The following WDR7 variants were observed in gnomAD, a reference collection of about 807,000 sequenced individuals.
WDR7 encodes WD repeat-containing protein 7.
WDR7 carries 46 observed loss-of-function variants against 169.4 expected under a neutral mutation model. That is an observed-to-expected ratio of 0.27 (90% CI 0.21 to 0.35). The LOEUF (loss-of-function observed/expected upper bound fraction) is 0.35, where lower values mean the gene tolerates loss of function less well. Among genes scored for constraint, WDR7 ranks in the 10% least tolerant of loss-of-function variants. The pLI is 1.00. For missense variants in WDR7, 1,534 were observed against 1,859.3 expected (o/e 0.83, Z 3.22); for synonymous variants, 612 against 666.8 (o/e 0.92, Z 1.27).
intron 14 of WDR7, 71 bp downstream of exon 14, chr18:56,731,668 A>T: frequency 7.7e-7 from 1 of 1,294,522 alleles, no homozygotes; most frequent in South Asian, 1.6e-5. Flanking sequence ...TGGCTTTGGC[A>T]TATCTTAGAA....
rs201584771 is a variant in WDR7 at position 56,694,605 on chromosome 18, A to G, written c.967-14A>G. 4.5e-4 allele frequency: 716 copies of G among 1,597,140 alleles called. 1 individual carries two copies. Among genetic ancestry groups the G allele is most frequent in the Non-Finnish European group, 5.9e-4 (694 of 1,168,902 alleles). Reference sequence around the variant, plus strand: ...AAAATACAGCTAAAGATATTCAAATACTTTTTTTGGCAGTTGCTAATTTGT... The same window carrying G: ...AAAATACAGCTAAAGATATTCAAATGCTTTTTTTGGCAGTTGCTAATTTGT... On this transcript the variant is annotated splice_polypyrimidine_tract_variant and intron_variant, in intron 9 of 27. Coordinates refer to ENST00000254442, the MANE Select transcript of WDR7 (RefSeq NM_015285.3).
At chr18:56,755,173 A>G (rs1366772501) in intron 14 of WDR7, among the ~76,000 whole-genome samples, 2 of 150,504 alleles carry the variant, frequency 1.3e-5, no homozygotes, top group Non-Finnish European at 3.0e-5. Flanking sequence ...CATTAGTCCT[A>G]TTTCTGGAAC....
At chr18:56,856,480 G>A (rs1282397148) in intron 20 of WDR7, among the ~76,000 whole-genome samples, 2 of 152,130 alleles carry the variant, frequency 1.3e-5, no homozygotes, top group Non-Finnish European at 2.9e-5. Context: ...GTTGCAGTGA[G>A]CTGAGATTGC....
intron 25 of WDR7, among the ~76,000 whole-genome samples, chr18:56,961,354 A>G (rs1568288039): frequency 6.6e-6 from 1 of 152,058 alleles, no homozygotes; most frequent in Non-Finnish European, 1.5e-5. Context: ...CTCCCCCCTT[A>G]TAAAATATAA....
chr18:56,824,970 A>G (rs548773695), intron 20 of WDR7, among the ~76,000 whole-genome samples: 1 of 152,330 alleles, frequency 6.6e-6, no homozygotes, highest in African/African-American at 2.4e-5. Flanking sequence ...ACCTGATAGA[A>G]TTCTCAGAGA....
At chr18:56,984,178 A>G (rs370768964) in intron 26 of WDR7, among the ~76,000 whole-genome samples, 1 of 152,200 alleles carries the variant, frequency 6.6e-6, no homozygotes. Context: ...ATGGCTTTAC[A>G]TAGTAACTTA....
At chr18:56,837,388 T>C (rs1252785752) in intron 20 of WDR7, among the ~76,000 whole-genome samples, 1 of 152,206 alleles carries the variant, frequency 6.6e-6, no homozygotes, top group Non-Finnish European at 1.5e-5. Flanking sequence ...TCTCATCAGC[T>C]GTCATCACCA....
At chr18:56,796,115 A>G (rs1439056748) in intron 19 of WDR7, among the ~76,000 whole-genome samples, 2 of 152,204 alleles carry the variant, frequency 1.3e-5, no homozygotes, top group African/African-American at 4.8e-5. Context: ...AGATTATTGG[A>G]TGTATATCAA....
chr18:56,697,426 A>T (rs748416675), intron 12 of WDR7, among the ~76,000 whole-genome samples: 4 of 152,196 alleles, frequency 2.6e-5, no homozygotes, highest in Non-Finnish European at 4.4e-5. Flanking sequence ...CTTTGTAAGA[A>T]ATCCTAGTAC....
chr18:56,691,679 T>C (rs2025573428), intron 8 of WDR7, 36 bp from the exon 9 acceptor site: 1 of 1,545,398 alleles, frequency 6.5e-7, no homozygotes, highest in East Asian at 2.3e-5. Context: ...TTAATGTCAG[T>C]ATTTTAATTG....
chr18:57,007,258 C>T (rs933266973), intron 26 of WDR7, among the ~76,000 whole-genome samples: 6 of 152,090 alleles, frequency 3.9e-5, no homozygotes, highest in African/African-American at 9.7e-5. Flanking sequence ...GGATTACAGG[C>T]GTGAGCCACC....
intron 1 of WDR7, among the ~76,000 whole-genome samples, chr18:56,660,673 A>G (rs1368166828): frequency 2.0e-5 from 3 of 149,718 alleles, no homozygotes; most frequent in African/African-American, 7.5e-5. Context: ...AAAAAAAAAA[A>G]GAAAGAAAAG....
chr18:56,730,530 G>A (rs752260121), intron 13 of WDR7, among the ~76,000 whole-genome samples: 1 of 152,176 alleles, frequency 6.6e-6, no homozygotes, highest in Admixed American at 6.5e-5. Flanking sequence ...ACTTTGGGAG[G>A]CCGAGGCGGG....
At chr18:56,885,361 G>A (rs2046171932) in intron 21 of WDR7, among the ~76,000 whole-genome samples, 1 of 151,982 alleles carries the variant, frequency 6.6e-6, no homozygotes, top group African/African-American at 2.4e-5. Flanking sequence ...GAAAGGTGAA[G>A]TTCAACTTAA....
At chr18:56,878,820 C>G (rs1396838156) in intron 20 of WDR7, among the ~76,000 whole-genome samples, 2 of 152,128 alleles carry the variant, frequency 1.3e-5, no homozygotes, top group African/African-American at 4.8e-5. Context: ...AATATATGGT[C>G]TTTTGTGACC....
intron 19 of WDR7, among the ~76,000 whole-genome samples, chr18:56,797,032 T>C (rs991041808): frequency 6.6e-6 from 1 of 152,190 alleles, no homozygotes; most frequent in African/African-American, 2.4e-5. Context: ...ATCATGCCTT[T>C]CTTTCCCTCC....
chr18:56,944,208 G>A (rs1238280752), intron 25 of WDR7, among the ~76,000 whole-genome samples: 3 of 151,736 alleles, frequency 2.0e-5, no homozygotes, highest in East Asian at 1.9e-4. Context: ...TGGCCAGGAT[G>A]GTGTTGATCT....
intron 21 of WDR7, 109 bp from the exon 22 acceptor site, chr18:56,923,809 CCTTT>C (rs1186989406): frequency 5.7e-6 from 6 of 1,056,862 alleles, no homozygotes; most frequent in African/African-American, 1.6e-5. Flanking sequence ...AGGTTCAATA[CCTTT>C]TTCAGTTAAA....
chr18:56,821,842 A>C (rs1299109335), intron 20 of WDR7, among the ~76,000 whole-genome samples: 1 of 151,946 alleles, frequency 6.6e-6, no homozygotes, highest in South Asian at 2.1e-4. Flanking sequence ...AAAAAAAAAA[A>C]TTAAAAGTTA....
Sources: gnomAD v4.1 joint callset for allele counts (sites outside exome capture counted in the v4.1 genomes callset) on GRCh38, gnomAD v4.1.1 for gene constraint, MANE v1.5 for transcripts, NCBI Gene and HGNC (gene_info 2026-07-23, HGNC 2026-07-21) for gene names.